MACROD2: variants seen among roughly 807,000 people sequenced by gnomAD.
MACROD2 encodes mono-ADP ribosylhydrolase 2.
A neutral mutation model predicts 70.4 loss-of-function variants in MACROD2; 36 were observed. The ratio of observed to expected loss-of-function variants is 0.51; its 90% CI spans 0.39 to 0.68. The LOEUF (loss-of-function observed/expected upper bound fraction) is 0.68, where lower values mean the gene tolerates loss of function less well. Among genes scored for constraint, MACROD2 ranks in the 30% least tolerant of loss-of-function variants. The probability of loss-of-function intolerance (pLI) is 0.00; values close to 1 mark genes in which losing one functional copy is unlikely to be tolerated. For missense variants in MACROD2, 496 were observed against 538.4 expected (o/e 0.92, Z 0.78); for synonymous variants, 172 against 178.8 (o/e 0.96, Z 0.30).
chr20:14,253,983 G>A (rs1367017046), intron 3 of MACROD2, among the ~76,000 whole-genome samples: 1 of 151,814 alleles, frequency 6.6e-6, no homozygotes, highest in Admixed American at 6.6e-5. Context: ...AATGGGAAAA[G>A]CAAATAGATT....
chr20:16,006,887 C>T (rs2066796716), intron 15 of MACROD2, among the ~76,000 whole-genome samples: 1 of 152,154 alleles, frequency 6.6e-6, no homozygotes, highest in African/African-American at 2.4e-5. Context: ...AGAACGACCT[C>T]TTTTTGTCTC....
At chr20:14,791,740 G>C (rs1024354615) in intron 5 of MACROD2, among the ~76,000 whole-genome samples, 1 of 151,904 alleles carries the variant, frequency 6.6e-6, no homozygotes, top group Admixed American at 6.6e-5. Context: ...ATATGTAACT[G>C]TAAATCAAAA....
Position 15,060,071 on chromosome 20 carries a change from C to T in MACROD2, c.419-169869C>T, listed in dbSNP as rs564304634. 3.9e-5 allele frequency among the ~76,000 whole-genome samples: 6 copies of T among 152,268 alleles called. No individual in the cohort carries two copies. In the South Asian group the frequency reaches 6.2e-4, roughly 16 times the overall value. ...ATGTGAAGGAAAAGGCTAACACATG[C>T]ATATACAAAATGCCATTTGATAGCA... On this transcript the variant is annotated intron_variant, in intron 5 of 17. Coordinates refer to ENST00000684519, the MANE Select transcript of MACROD2 (RefSeq NM_001351661.2).
At chr20:15,178,951 A>AG (rs1601183817) in intron 5 of MACROD2, among the ~76,000 whole-genome samples, 1 of 152,178 alleles carries the variant, frequency 6.6e-6, no homozygotes, top group East Asian at 1.9e-4. Context: ...CAGGACTATG[A>AG]GGAAGCATAA....
intron 6 of MACROD2, among the ~76,000 whole-genome samples, chr20:15,264,522 A>G (rs897449185): frequency 1.3e-5 from 2 of 152,202 alleles, no homozygotes; most frequent in African/African-American, 4.8e-5. Flanking sequence ...AAGCTTAAAA[A>G]GCATTTTGAG....
chr20:15,661,420 T>G (rs1225688480), intron 8 of MACROD2, among the ~76,000 whole-genome samples: 1 of 152,106 alleles, frequency 6.6e-6, no homozygotes, highest in African/African-American at 2.4e-5. Context: ...AGGGAAAACC[T>G]GAAGGTGCCC....
At chr20:15,827,327 A>G (rs1343844811) in intron 8 of MACROD2, among the ~76,000 whole-genome samples, 1 of 152,212 alleles carries the variant, frequency 6.6e-6, no homozygotes, top group Non-Finnish European at 1.5e-5. Flanking sequence ...TATATAAGAT[A>G]TTATTTAGAT....
chr20:15,304,909 CA>C (rs370634057), intron 6 of MACROD2, among the ~76,000 whole-genome samples: 118 of 152,352 alleles, frequency 7.7e-4, no homozygotes, highest in Non-Finnish European at 1.2e-3. Flanking sequence ...CCCCTCTCCA[CA>C]GAAGTAAATT....
At chr20:15,277,687 G>A (rs2077405726) in intron 6 of MACROD2, among the ~76,000 whole-genome samples, 1 of 152,192 alleles carries the variant, frequency 6.6e-6, no homozygotes, top group Admixed American at 6.5e-5. Context: ...CAGATGAGAA[G>A]CAGTCTAGTA....
chr20:15,258,064 CA>C (rs1171353336), intron 6 of MACROD2, among the ~76,000 whole-genome samples: 8 of 151,438 alleles, frequency 5.3e-5, no homozygotes, highest in Admixed American at 1.3e-4. Flanking sequence ...GGTAAAAATA[CA>C]AAAAAAGTTT....
intron 15 of MACROD2, among the ~76,000 whole-genome samples, chr20:16,038,213 TAG>T (rs2067260468): frequency 6.6e-6 from 1 of 151,900 alleles, no homozygotes; most frequent in Non-Finnish European, 1.5e-5. Context: ...TCACAATGAT[TAG>T]ACTGAGTGAT....
intron 13 of MACROD2, among the ~76,000 whole-genome samples, chr20:15,979,563 C>A (rs1363969427): frequency 6.7e-6 from 1 of 148,314 alleles, no homozygotes; most frequent in African/African-American, 2.5e-5. Context: ...AGAGTCCAAG[C>A]TCCTCTGAAT....
chr20:14,977,245 G>A (rs570760939), intron 5 of MACROD2, among the ~76,000 whole-genome samples: 31 of 149,970 alleles, frequency 2.1e-4, no homozygotes, highest in South Asian at 4.2e-4. Context: ...TAAACTTTCA[G>A]CAAATCTTCA....
chr20:15,908,399 C>T (rs1442467580), intron 10 of MACROD2, among the ~76,000 whole-genome samples: 1 of 152,228 alleles, frequency 6.6e-6, no homozygotes, highest in African/African-American at 2.4e-5. Context: ...TGGGTGGTAA[C>T]AGCTCCCATC....
At chr20:14,460,010 A>T (rs552555001) in intron 3 of MACROD2, among the ~76,000 whole-genome samples, 310 of 152,212 alleles carry the variant, frequency 2.0e-3, no homozygotes, top group Non-Finnish European at 4.1e-3. Flanking sequence ...TTTGCTGAGA[A>T]TGATGGTTTC....
chr20:15,151,117 G>A (rs2076266245), intron 5 of MACROD2, among the ~76,000 whole-genome samples: 3 of 152,094 alleles, frequency 2.0e-5, no homozygotes, highest in Admixed American at 2.0e-4. Context: ...AGAAGATCTG[G>A]GAAGGAGTCA....
At chr20:15,591,585 C>T (rs1461597564) in intron 8 of MACROD2, among the ~76,000 whole-genome samples, 1 of 36,684 alleles carries the variant, frequency 2.7e-5, no homozygotes, top group African/African-American at 1.4e-4. Context: ...AAAGCCAGTA[C>T]TAAAAAAAAA....
intron 4 of MACROD2, among the ~76,000 whole-genome samples, chr20:14,625,969 T>A (rs1319598451): frequency 6.6e-6 from 1 of 152,112 alleles, no homozygotes; most frequent in Non-Finnish European, 1.5e-5. Context: ...ATTACAGGCA[T>A]GCACCATGAT....
At chr20:14,094,314 A>G (rs188213255) in intron 3 of MACROD2, among the ~76,000 whole-genome samples, 112 of 152,318 alleles carry the variant, frequency 7.4e-4, no homozygotes, top group Middle Eastern at 6.8e-3. Context: ...GCTTAAGTCT[A>G]TTGTGACTGG....
Sources: allele counts gnomAD v4.1 joint callset (sites outside exome capture counted in the v4.1 genomes callset), GRCh38; gene constraint gnomAD v4.1.1; transcripts MANE v1.5; gene names NCBI Gene and HGNC (gene_info 2026-07-23, HGNC 2026-07-21).